Variants in CARF observed in about 807,000 individuals in gnomAD.
CARF encodes calcium-responsive transcription factor.
A neutral mutation model predicts 82.0 loss-of-function variants in CARF; 57 were observed. The ratio of observed to expected loss-of-function variants is 0.70; its 90% confidence interval spans 0.56 to 0.87. The LOEUF is 0.87. Among genes scored for constraint, CARF ranks in the 40% least tolerant of loss-of-function variants. CARF has a pLI of 0.00. For missense variants in CARF, 771 were observed against 855.8 expected, an observed-to-expected ratio of 0.90 and a Z score of 1.24; for synonymous variants, 268 against 290.1, an observed-to-expected ratio of 0.92 and a Z score of 0.77.
intron 3 of CARF, among the ~76,000 whole-genome samples, chr2:202,929,718 G>A (rs1268286297): frequency 6.6e-6 from 1 of 152,038 alleles, no homozygotes; most frequent in South Asian, 2.1e-4. Flanking sequence ...TTCTATTTGT[G>A]TGAAGACTAT....
Position 202,986,867 on chromosome 2 carries a change from C to CATATATATATATAT in CARF, c.*3243_*3244insATATATATATATAT, listed in dbSNP as rs1559298372. ...AAAAGAGGTTTAAAAAATGTCTGTGCGTATATATATATATATATATATATA... is the reference window on the plus strand; with the variant it reads ...AAAAGAGGTTTAAAAAATGTCTGTGCATATATATATATATGTATATATATATATATATATATATA... On this transcript the variant is annotated 3_prime_UTR_variant, in exon 17 of 17. Coordinates refer to ENST00000438828, the MANE Select transcript of CARF (RefSeq NM_024744.17). The CATATATATATATAT allele has an allele frequency of 3.5e-5, 2 of 56,690 alleles. 1 individual carries two copies. Among genetic ancestry groups the CATATATATATATAT allele is most frequent in the African/African-American group, 1.5e-4 (2 of 12,934 alleles). The allele number at this position is 56,690 out of a possible 1,614,324, so 3.5% of individuals were successfully genotyped here.
At position 202,971,739 on chromosome 2, in the gene CARF, G is replaced by A; in HGVS notation, c.1331+1G>A. The A allele has an allele frequency of 2.5e-6, 4 of 1,596,984 alleles. No homozygotes were observed. Among genetic ancestry groups the A allele is most frequent in the Non-Finnish European group, 3.4e-6 (4 of 1,164,892 alleles). On this transcript the variant is annotated splice_donor_variant, in intron 12 of 16. Transcript: ENST00000438828. LOFTEE classifies it high-confidence loss of function. ...TGTATGCAGTAAGGAAACAGCTAAG[G>A]TACAATAGAAGAGCATTGTTCTTTT...
intron 2 of CARF, among the ~76,000 whole-genome samples, chr2:202,920,007 C>T (rs1690490369): frequency 6.6e-6 from 1 of 151,934 alleles, no homozygotes; most frequent in Admixed American, 6.6e-5. Context: ...AGCAATGAAC[C>T]TCATCATCTT....
chr2:202,943,972 A>G (rs2058369448), intron 5 of CARF, among the ~76,000 whole-genome samples: 1 of 152,164 alleles, frequency 6.6e-6, no homozygotes, highest in Non-Finnish European at 1.5e-5. Flanking sequence ...ATTTATCAAC[A>G]TCTCACTGAC....
chr2:202,936,310 A>G (rs559223521), intron 3 of CARF, among the ~76,000 whole-genome samples: 1 of 152,318 alleles, frequency 6.6e-6, no homozygotes, highest in East Asian at 1.9e-4. Context: ...ATAACTTAAA[A>G]TTAATCCCTT....
intron 14 of CARF, among the ~76,000 whole-genome samples, chr2:202,978,637 T>C (rs2060127812): frequency 6.6e-6 from 1 of 152,210 alleles, no homozygotes; most frequent in Non-Finnish European, 1.5e-5. Flanking sequence ...TCAAAGTTAA[T>C]AGTGAATTGG....
intron 1 of CARF, among the ~76,000 whole-genome samples, chr2:202,915,247 C>T (rs1052668397): frequency 6.6e-6 from 1 of 151,876 alleles, no homozygotes; most frequent in African/African-American, 2.4e-5. Context: ...GATCCCCTGA[C>T]CTTGTGATCT....
Position 202,970,036 on chromosome 2 carries a change from CT to C in CARF, c.1073del (p.Leu358TrpfsTer2), listed in dbSNP as rs2059721184. 1.9e-6 allele frequency: 3 copies of C among 1,569,602 alleles called. No homozygotes were observed. In the South Asian group the frequency reaches 3.7e-5, roughly 19 times the overall value. ...AAGCTTTTAACATGCTAAAGAAGAACTTGGTAGATGCTGGTGGTGTTCTTAG... is the reference window on the plus strand; with the variant it reads ...AAGCTTTTAACATGCTAAAGAAGAACTGGTAGATGCTGGTGGTGTTCTTAG... The part of the protein sequence containing the change: ...EKAFNMLKKN[L>X]VDAGGVLRWY... On this transcript the variant is annotated frameshift_variant, in exon 11 of 17. Coordinates refer to ENST00000438828, the MANE Select transcript of CARF (RefSeq NM_024744.17). LOFTEE classifies it high-confidence loss of function.
chr2:202,922,787 G>A (rs1691074106), intron 2 of CARF, among the ~76,000 whole-genome samples: 2 of 151,860 alleles, frequency 1.3e-5, no homozygotes, highest in Non-Finnish European at 2.9e-5. Context: ...CTCCAGCCTG[G>A]GTGACAGAGT....
In CARF at chr2:202,951,011, A is replaced by T. The variant is rs551563197; in HGVS notation, c.307-1548A>T. Among the ~76,000 whole-genome samples, 328 of 152,230 alleles carry T rather than the reference A, an allele frequency of 2.2e-3. 2 individuals are homozygous for T. The South Asian group carries it at 0.026, about 12-fold the overall frequency. ...TTTTTCCCCTAACATTAAATTTTTT[A>T]AAAAATTTTTTTCAAATTTATATTT... On this transcript the variant is annotated intron_variant, in intron 5 of 16. Coordinates refer to ENST00000438828, the MANE Select transcript of CARF (RefSeq NM_024744.17).
chr2:202,948,792 A>G (rs887995950), intron 5 of CARF, among the ~76,000 whole-genome samples: 1 of 152,312 alleles, frequency 6.6e-6, no homozygotes, highest in African/African-American at 2.4e-5. Context: ...TCGTCTGCAA[A>G]CAAGGATAGT....
intron 3 of CARF, among the ~76,000 whole-genome samples, chr2:202,926,904 C>T (rs1443739010): frequency 6.6e-6 from 1 of 152,172 alleles, no homozygotes; most frequent in South Asian, 2.1e-4. Flanking sequence ...CTCACTGCAG[C>T]TCAGGCTCAG....
intron 1 of CARF, among the ~76,000 whole-genome samples, chr2:202,916,892 A>G (rs1689770193): frequency 6.6e-6 from 1 of 152,166 alleles, no homozygotes; most frequent in South Asian, 2.1e-4. Context: ...TAAAAACAAT[A>G]AAAAGCCCTT....
intron 13 of CARF, among the ~76,000 whole-genome samples, chr2:202,976,453 C>A (rs1047361251): frequency 3.3e-5 from 5 of 152,020 alleles, no homozygotes; most frequent in Admixed American, 6.6e-5. Context: ...GGATTACAGG[C>A]GTGAGCCACC....
chr2:202,981,652 C>T lies in CARF; in HGVS notation c.1656C>T (p.Ser552=). The change falls in exon 15 of 17, where the codon TCC becomes TCT. Residue 552 remains serine (S), a synonymous_variant. Coordinates refer to ENST00000438828, the MANE Select transcript of CARF (RefSeq NM_024744.17). ...PEPTHLLSSL[S]SFQPKIFTQL... is the part of the protein sequence containing the mutation. ...CAACCCACTTGCTCTCCTCACTCTC[C>T]TCATTTCAGCCCAAAATATTTACAC... 1 of 1,612,064 alleles carries T rather than the reference C, an allele frequency of 6.2e-7. No homozygotes were observed. The highest frequency in any genetic ancestry group is 8.5e-7 in the Non-Finnish European group (1 of 1,178,834).
At chr2:202,978,328 G>T (rs1189684755) in intron 14 of CARF, among the ~76,000 whole-genome samples, 1 of 152,154 alleles carries the variant, frequency 6.6e-6, no homozygotes, top group Non-Finnish European at 1.5e-5. Flanking sequence ...TGGGGTGATT[G>T]AAGTGTGAAT....
Position 202,942,951 on chromosome 2 carries a change from A to T in CARF, c.290A>T (p.Glu97Val). The change falls in exon 5 of 17, where the codon GAA becomes GTA. Residue 97 changes from glutamate to valine, a missense_variant. Coordinates refer to ENST00000438828, the MANE Select transcript of CARF (RefSeq NM_024744.17). ...AIQYELQSLG[E>V]SNAQMMIVAS... is the part of the protein sequence containing the mutation. Reference sequence around the variant, plus strand: ...CAATATGAACTTCAGTCATTGGGGGAATCCAATGCACAAATGGTGAGTATA... The same window carrying T: ...CAATATGAACTTCAGTCATTGGGGGTATCCAATGCACAAATGGTGAGTATA... 6.2e-7 allele frequency: 1 copy of T among 1,613,434 alleles called. No individual in the cohort carries two copies. Among genetic ancestry groups the T allele is most frequent in the Non-Finnish European group, 8.5e-7 (1 of 1,179,490 alleles).
chr2:202,933,003 G>C (rs532489152), intron 3 of CARF, among the ~76,000 whole-genome samples: 1 of 152,142 alleles, frequency 6.6e-6, no homozygotes, highest in Non-Finnish European at 1.5e-5. Flanking sequence ...TGTTCTGGGA[G>C]GCCCAGGCAT....
At chr2:202,940,872 C>A (rs959861593) in intron 3 of CARF, among the ~76,000 whole-genome samples, 1 of 152,032 alleles carries the variant, frequency 6.6e-6, no homozygotes, top group Non-Finnish European at 1.5e-5. Flanking sequence ...GTTGGCACTT[C>A]TTGTAGCAGA....
Sources: allele counts gnomAD v4.1 joint callset (sites outside exome capture counted in the v4.1 genomes callset), GRCh38; gene constraint gnomAD v4.1.1; transcripts MANE v1.5; gene names NCBI Gene and HGNC (gene_info 2026-07-23, HGNC 2026-07-21).